The following RALYL variants were observed in gnomAD, a reference collection of about 807,000 sequenced individuals.
RALYL encodes RALY RNA binding protein like.
RALYL carries 29 observed loss-of-function variants against 35.1 expected under a neutral mutation model. The ratio of observed to expected loss-of-function variants is 0.83; its 90% CI spans 0.61 to 1.13. RALYL has a LOEUF of 1.13. RALYL is among the 50% of genes most tolerant of loss of function. The pLI is 0.00. For missense variants in RALYL, 359 were observed against 360.4 expected, an observed-to-expected ratio of 1.00 and a Z score of 0.03; for synonymous variants, 120 against 127.6, an observed-to-expected ratio of 0.94 and a Z score of 0.40.
At chr8:84,900,228 C>G (rs1443001012) in intron 8 of RALYL, among the ~76,000 whole-genome samples, 1 of 151,990 alleles carries the variant, frequency 6.6e-6, no homozygotes, top group African/African-American at 2.4e-5. Flanking sequence ...TAAAAATAAG[C>G]TTTAAATATA....
intron 4 of RALYL, among the ~76,000 whole-genome samples, chr8:84,809,151 T>C (rs527846738): frequency 2.0e-5 from 3 of 152,130 alleles, no homozygotes; most frequent in South Asian, 4.1e-4. Context: ...TTTTCATAGA[T>C]GGCTTTTATT....
At chr8:84,310,723 G>C (rs1842601131) in intron 1 of RALYL, among the ~76,000 whole-genome samples, 1 of 152,152 alleles carries the variant, frequency 6.6e-6, no homozygotes, top group Non-Finnish European at 1.5e-5. Context: ...TTGTAAGGCA[G>C]AAGTAAATGG....
chr8:84,787,230 A>C (rs1426148549), intron 3 of RALYL, among the ~76,000 whole-genome samples: 2 of 150,628 alleles, frequency 1.3e-5, no homozygotes, highest in Non-Finnish European at 3.0e-5. Flanking sequence ...TCATTGTCCA[A>C]CTCCCACTTA....
chr8:84,895,408 A>G (rs1412102563), intron 8 of RALYL, among the ~76,000 whole-genome samples: 1 of 150,144 alleles, frequency 6.7e-6, no homozygotes, highest in African/African-American at 2.4e-5. Flanking sequence ...GAGCATTTGT[A>G]TCCTCTTATA....
chr8:84,209,180 C>T (rs1818824965), intron 1 of RALYL, among the ~76,000 whole-genome samples: 2 of 138,434 alleles, frequency 1.4e-5, no homozygotes, highest in South Asian at 2.3e-4. Flanking sequence ...CGAGATATTA[C>T]AAGAAGCCTA....
At chr8:84,398,665 G>A (rs1271446316) in intron 1 of RALYL, among the ~76,000 whole-genome samples, 2 of 152,084 alleles carry the variant, frequency 1.3e-5, no homozygotes, top group African/African-American at 4.8e-5. Context: ...TTGGTTCAAT[G>A]AATGTACCAC....
At chr8:84,322,071 T>C (rs1230998996) in intron 1 of RALYL, among the ~76,000 whole-genome samples, 2 of 152,112 alleles carry the variant, frequency 1.3e-5, no homozygotes, top group African/African-American at 2.4e-5. Context: ...ATCACTATTA[T>C]AATTCGAGTC....
chr8:84,619,303 A>G (rs1820674303), intron 2 of RALYL, among the ~76,000 whole-genome samples: 1 of 151,570 alleles, frequency 6.6e-6, no homozygotes, highest in Non-Finnish European at 1.5e-5. Flanking sequence ...TATATTTAGG[A>G]TAGTTAGCTC....
intron 2 of RALYL, among the ~76,000 whole-genome samples, chr8:84,628,325 C>T (rs918855810): frequency 2.0e-5 from 3 of 152,040 alleles, no homozygotes; most frequent in African/African-American, 7.2e-5. Context: ...GATTTAGTAA[C>T]ACCTCCTCAA....
chr8:84,817,818 G>T (rs1827708613), intron 4 of RALYL, among the ~76,000 whole-genome samples: 2 of 152,136 alleles, frequency 1.3e-5, no homozygotes, highest in South Asian at 4.1e-4. Flanking sequence ...TCCTCCAAAA[G>T]TGCTGGGATT....
intron 1 of RALYL, among the ~76,000 whole-genome samples, chr8:84,428,416 CAG>C (rs1342655385): frequency 4.6e-5 from 7 of 152,188 alleles, no homozygotes; most frequent in Admixed American, 4.6e-4. Flanking sequence ...GGTTTCAATT[CAG>C]ATGTACGATT....
intron 1 of RALYL, among the ~76,000 whole-genome samples, chr8:84,406,085 A>G (rs1428056098): frequency 2.0e-5 from 3 of 151,756 alleles, no homozygotes; most frequent in African/African-American, 7.2e-5. Flanking sequence ...AAGAATAACA[A>G]AAAGTTAACT....
intron 1 of RALYL, among the ~76,000 whole-genome samples, chr8:84,219,061 AG>A (rs1282376527): frequency 6.6e-6 from 1 of 152,098 alleles, no homozygotes; most frequent in East Asian, 1.9e-4. Flanking sequence ...ACCTGAAGGT[AG>A]TTACAGTGAA....
chr8:84,739,199 G>A (rs1244540697), intron 2 of RALYL, among the ~76,000 whole-genome samples: 3 of 151,864 alleles, frequency 2.0e-5, no homozygotes, highest in Admixed American at 6.6e-5. Context: ...AAAGATTCTG[G>A]TAATGCCATG....
At chr8:84,688,090 T>A (rs770327616) in intron 2 of RALYL, among the ~76,000 whole-genome samples, 7 of 151,956 alleles carry the variant, frequency 4.6e-5, no homozygotes, top group Non-Finnish European at 7.4e-5. Context: ...TTGCCATTGA[T>A]GAACTAAGCT....
chr8:84,436,194 T>C (rs2047693719), intron 1 of RALYL, among the ~76,000 whole-genome samples: 1 of 152,292 alleles, frequency 6.6e-6, no homozygotes. Flanking sequence ...CTCTAGATGA[T>C]TCTGATATGG....
chr8:84,211,763 A>T (rs1332975522), intron 1 of RALYL, among the ~76,000 whole-genome samples: 1 of 152,152 alleles, frequency 6.6e-6, no homozygotes, highest in East Asian at 1.9e-4. Context: ...TTTGCAGTCA[A>T]TCAGAACCAT....
chr8:84,517,638 C>T (rs2058161258), intron 1 of RALYL, among the ~76,000 whole-genome samples: 1 of 152,132 alleles, frequency 6.6e-6, no homozygotes, highest in Non-Finnish European at 1.5e-5. Flanking sequence ...TATCAGATTG[C>T]TGGAAAATTG....
chr8:84,911,814 C>A (rs950240049), intron 8 of RALYL, among the ~76,000 whole-genome samples: 1 of 152,076 alleles, frequency 6.6e-6, no homozygotes, highest in African/African-American at 2.4e-5. Context: ...CTCAGGGAAA[C>A]ACTTCACTTA....
Sources: allele counts gnomAD v4.1 joint callset (sites outside exome capture counted in the v4.1 genomes callset), GRCh38; gene constraint gnomAD v4.1.1; transcripts MANE v1.5; gene names NCBI Gene and HGNC (gene_info 2026-07-23, HGNC 2026-07-21).